The following USP37 variants were observed in gnomAD, a reference collection of about 807,000 sequenced individuals.
USP37 encodes the protein ubiquitin carboxyl-terminal hydrolase 37.
USP37 carries 27 observed loss-of-function variants against 124.0 expected under a neutral mutation model. The observed-to-expected ratio is 0.22, with a 90% CI of 0.16 to 0.30. The LOEUF is 0.30. Among genes scored for constraint, USP37 ranks in the 10% least tolerant of loss-of-function variants. The pLI is 1.00. For synonymous variants in USP37, 365 were observed against 388.0 expected (o/e 0.94, Z 0.70); for missense variants, 889 against 1,140.4 (o/e 0.78, Z 3.17).
intron 9 of USP37, among the ~76,000 whole-genome samples, 186 bp from the exon 10 acceptor site, chr2:218,530,226 A>T (rs901070950): frequency 1.3e-5 from 2 of 151,862 alleles, no homozygotes; most frequent in African/African-American, 4.8e-5. Flanking sequence ...GTTTTTTTGT[A>T]TGTTTTTTTT....
chr2:218,506,388 T>C (rs558441121), intron 11 of USP37, among the ~76,000 whole-genome samples: 35 of 143,546 alleles, frequency 2.4e-4, no homozygotes, highest in African/African-American at 8.5e-4. Flanking sequence ...CCTCCTGGGT[T>C]CAAGAAATTC....
chr2:218,497,931 T>C (rs981606179), intron 12 of USP37, 74 bp from the exon 13 acceptor site: 1 of 1,573,890 alleles, frequency 6.4e-7, no homozygotes, highest in African/African-American at 1.4e-5. Context: ...TAATTACTAA[T>C]AATGGCACAG....
chr2:218,539,865 C>T (rs1691878579), intron 8 of USP37, among the ~76,000 whole-genome samples: 1 of 151,804 alleles, frequency 6.6e-6, no homozygotes, highest in Non-Finnish European at 1.5e-5. Context: ...CAAAAATTAG[C>T]CGGGTGTGAT....
chr2:218,560,571 G>A (rs1201667074), intron 3 of USP37, among the ~76,000 whole-genome samples: 2 of 152,026 alleles, frequency 1.3e-5, no homozygotes, highest in African/African-American at 2.4e-5. Flanking sequence ...ATGTTAACAG[G>A]AGTCACTAAC....
In USP37 at chr2:218,540,083, T is replaced by C. The variant is rs1691888679; in HGVS notation, c.681-5377A>G. Among the ~76,000 whole-genome samples the C allele has an allele frequency of 2.6e-5, 4 of 152,284 alleles. No individual in the cohort carries two copies. In the South Asian group the frequency reaches 8.3e-4, roughly 32 times the overall value. On this transcript the variant is annotated intron_variant, in intron 8 of 25. Coordinates refer to ENST00000258399, the MANE Select transcript of USP37 (RefSeq NM_020935.3). Reference sequence around the variant, plus strand: ...CACTTAAAGGAGGCACTTTACAGTTTCTCTTTGGCACATCTGAATTGCCAG... The same window carrying C: ...CACTTAAAGGAGGCACTTTACAGTTCCTCTTTGGCACATCTGAATTGCCAG...
chr2:218,558,018 T>C (rs1481977906), intron 4 of USP37, among the ~76,000 whole-genome samples: 2 of 131,308 alleles, frequency 1.5e-5, no homozygotes, highest in South Asian at 2.5e-4. Flanking sequence ...TAGAAGAAAA[T>C]AGCTATAAAG....
At chr2:218,496,549 A>C (rs1689090022) in intron 13 of USP37, among the ~76,000 whole-genome samples, 1 of 152,046 alleles carries the variant, frequency 6.6e-6, no homozygotes, top group Non-Finnish European at 1.5e-5. Flanking sequence ...TAAAAGAGGT[A>C]ATTTTCGCAG....
intron 10 of USP37, among the ~76,000 whole-genome samples, chr2:218,516,839 G>C (rs1262896047): frequency 6.6e-6 from 1 of 152,184 alleles, no homozygotes; most frequent in African/African-American, 2.4e-5. Context: ...ACATACAAAT[G>C]CATGTATGTT....
At chr2:218,494,428 G>A (rs1441533967) in intron 14 of USP37, among the ~76,000 whole-genome samples, 1 of 152,120 alleles carries the variant, frequency 6.6e-6, no homozygotes, top group African/African-American at 2.4e-5. Context: ...TAAGGCAAAA[G>A]TAACAAAAAG....
chr2:218,555,082 G>C (rs994304466), intron 4 of USP37, among the ~76,000 whole-genome samples: 3 of 152,104 alleles, frequency 2.0e-5, no homozygotes, highest in African/African-American at 7.2e-5. Flanking sequence ...GCTATGAAGC[G>C]ATAACTTTTA....
At chr2:218,472,770 C>G (rs1690767751) in intron 20 of USP37, among the ~76,000 whole-genome samples, 1 of 152,126 alleles carries the variant, frequency 6.6e-6, no homozygotes, top group Non-Finnish European at 1.5e-5. Flanking sequence ...CCAGCCCAGC[C>G]TGAATCTCTT....
intron 2 of USP37, 50 bp from the exon 3 acceptor site, chr2:218,560,933 T>A (rs1693272950): frequency 6.6e-6 from 1 of 152,204 alleles, no homozygotes; most frequent in South Asian, 2.1e-4. Flanking sequence ...TTTAAAGGTG[T>A]TAAGTATCAT....
chr2:218,499,505 C>A (rs935159711), intron 11 of USP37, among the ~76,000 whole-genome samples: 1 of 151,956 alleles, frequency 6.6e-6, no homozygotes, highest in African/African-American at 2.4e-5. Flanking sequence ...TTCATAAGAC[C>A]ATTCTTATAA....
At position 218,522,832 on chromosome 2, in the gene USP37, A is replaced by C. The variant is rs576615168; in HGVS notation, c.863+7124T>G. On this transcript the variant is annotated intron_variant, in intron 10 of 25. Transcript: ENST00000258399. The stretch of plus-strand genomic sequence containing the variant: ...AATAGTACAGGTTGAGTATCCCTGA[A>C]ATGCTTGGAAAGAAGAGTTTCAGGG... Among the ~76,000 whole-genome samples, 443 of 152,214 alleles carry C rather than the reference A, an allele frequency of 2.9e-3. 2 individuals carry two copies. Among genetic ancestry groups the C allele is most frequent in the African/African-American group, 0.01 (426 of 41,526 alleles).
Position 218,539,098 on chromosome 2 carries a change from G to A in USP37, c.681-4392C>T, listed in dbSNP as rs536564848. 1.1e-4 allele frequency among the ~76,000 whole-genome samples: 17 copies of A among 152,110 alleles called. No individual in the cohort carries two copies. The East Asian group carries it at 1.7e-3, about 16-fold the overall frequency. On this transcript the variant is annotated intron_variant, in intron 8 of 25. Coordinates refer to ENST00000258399, the MANE Select transcript of USP37 (RefSeq NM_020935.3). ...TCCTCCCACCTTAGCCTCCCAAGTAGCTGGGATGACAGGCACATATCACCA... is the reference window on the plus strand; with the variant it reads ...TCCTCCCACCTTAGCCTCCCAAGTAACTGGGATGACAGGCACATATCACCA...
intron 10 of USP37, among the ~76,000 whole-genome samples, chr2:218,522,056 T>G (rs1385832128): frequency 9.1e-6 from 1 of 109,694 alleles, no homozygotes; most frequent in African/African-American, 2.8e-5. Context: ...TTTTTTTTTT[T>G]GTAGAGACAG....
intron 2 of USP37, among the ~76,000 whole-genome samples, chr2:218,561,829 T>C (rs1159957988): frequency 6.6e-6 from 1 of 152,156 alleles, no homozygotes; most frequent in African/African-American, 2.4e-5. Context: ...CAGGCCCTGC[T>C]TACCTGTCTA....
At position 218,479,764 on chromosome 2, in the gene USP37, GATAT is replaced by G. The variant is rs746806558; in HGVS notation, c.1836-53_1836-50del. ...TAATGTATACAAATGAATTATTAAA[GATAT>G]ATATTTAAATTATAAAATGAATTAT... On this transcript the variant is annotated intron_variant, in intron 17 of 25. Coordinates refer to ENST00000258399, the MANE Select transcript of USP37 (RefSeq NM_020935.3). The G allele has an allele frequency of 7.6e-6, 8 of 1,059,006 alleles. No homozygotes were observed. The African/African-American group carries it at 1.0e-4, about 13-fold the overall frequency. 65.6% of individuals were successfully genotyped at this position (1,059,006 alleles called of 1,614,324 possible).
chr2:218,487,673 C>G (rs375712190), intron 15 of USP37, among the ~76,000 whole-genome samples: 1 of 152,058 alleles, frequency 6.6e-6, no homozygotes, highest in East Asian at 1.9e-4. Context: ...CCTGCCTTGG[C>G]CTCCCAAAGT....
Sources: allele counts gnomAD v4.1 joint callset (sites outside exome capture counted in the v4.1 genomes callset), GRCh38; gene constraint gnomAD v4.1.1; transcripts MANE v1.5; gene names NCBI Gene and HGNC (gene_info 2026-07-23, HGNC 2026-07-21).